The following PARP12 variants were observed in gnomAD, a reference collection of about 807,000 sequenced individuals.
PARP12 encodes poly(ADP-ribose) polymerase family member 12.
In PARP12, 59 loss-of-function variants were observed where a neutral mutation model predicts 72.4. That is an observed-to-expected ratio of 0.81 (90% CI 0.66 to 1.01). The LOEUF is 1.01. Ranked by LOEUF, PARP12 falls within the 50% of genes least tolerant of loss-of-function variation. PARP12 has a pLI of 0.00. For synonymous variants in PARP12, 403 were observed against 371.4 expected (o/e 1.09, Z -0.98); for missense variants, 851 against 914.0 (o/e 0.93, Z 0.89).
intron 2 of PARP12, chr7:140,057,479 T>G (rs926758230): frequency 7.5e-6 from 3 of 402,614 alleles, no homozygotes; most frequent in Middle Eastern, 6.6e-4. Flanking sequence ...ACAATCTACC[T>G]ATACTCTTCC....
At chr7:140,033,095 G>T (rs967256987) in intron 8 of PARP12, 6 of 736,948 alleles carry the variant, frequency 8.1e-6, no homozygotes, top group African/African-American at 1.9e-5. Context: ...TGGGACTACA[G>T]GCGCACAGGC....
At chr7:140,045,134 G>A (rs1816664145) in intron 5 of PARP12, among the ~76,000 whole-genome samples, 1 of 151,778 alleles carries the variant, frequency 6.6e-6, no homozygotes, top group Admixed American at 6.6e-5. Context: ...GGCTCAAATG[G>A]TGCTCCCTCT....
intron 5 of PARP12, 120 bp downstream of exon 5, chr7:140,046,746 GTGTGTGTGTGTCACACAC>G: frequency 1.2e-6 from 1 of 862,572 alleles, no homozygotes; most frequent in Non-Finnish European, 1.8e-6. Flanking sequence ...GTGTGTGTGT[GTGTGTGTGTGTCACACAC>G]AGAAGCCCAG....
chr7:140,047,386 T>C (rs533643154), intron 4 of PARP12, among the ~76,000 whole-genome samples: 1 of 152,248 alleles, frequency 6.6e-6, no homozygotes, highest in South Asian at 2.1e-4. Context: ...TGAGCTAGCA[T>C]GGTCAGCCCC....
intron 4 of PARP12, among the ~76,000 whole-genome samples, chr7:140,049,249 C>T (rs73734186): frequency 0.1 from 15,607 of 152,088 alleles, 1,493 homozygotes; most frequent in African/African-American, 0.26. Context: ...CAAGGAAACT[C>T]CTCTAAGTGC....
chr7:140,041,214 G>T (rs1419553833), intron 6 of PARP12, among the ~76,000 whole-genome samples: 1 of 152,134 alleles, frequency 6.6e-6, no homozygotes, highest in African/African-American at 2.4e-5. Context: ...TCTTATATTT[G>T]CCTACCTTCT....
Position 140,051,264 on chromosome 7 carries a change from T to C in PARP12, c.862+3398A>G, listed in dbSNP as rs917717052. On this transcript the variant is annotated intron_variant, in intron 4 of 11. Coordinates refer to ENST00000263549, the MANE Select transcript of PARP12 (RefSeq NM_022750.4). ...AAGCTCCATCAAGTTCAGGACACTT[T>C]TGTAAAAGACGATACCAGCCATTTA... Among the ~76,000 whole-genome samples, 3 of 152,224 alleles carry C rather than the reference T, an allele frequency of 2.0e-5. No individual in the cohort carries two copies. The South Asian group carries it at 6.2e-4, about 32-fold the overall frequency.
chr7:140,058,796 G>A (rs1817307240), intron 1 of PARP12, among the ~76,000 whole-genome samples: 1 of 152,172 alleles, frequency 6.6e-6, no homozygotes, highest in Admixed American at 6.5e-5. Flanking sequence ...ACAAGCACCA[G>A]AGAAAAACCA....
chr7:140,043,165 A>G (rs752940285), intron 5 of PARP12, among the ~76,000 whole-genome samples: 37 of 152,322 alleles, frequency 2.4e-4, no homozygotes, highest in Admixed American at 6.5e-4. Flanking sequence ...CTGCGCTCCA[A>G]CTTGGGCGAC....
chr7:140,057,761 A>T, intron 2 of PARP12, 138 bp downstream of exon 2: 1 of 1,264,496 alleles, frequency 7.9e-7, no homozygotes, highest in Non-Finnish European at 1.1e-6. Flanking sequence ...CTTCTGCTCC[A>T]CATTCCAAAT....
intron 7 of PARP12, among the ~76,000 whole-genome samples, chr7:140,035,837 A>G (rs13236082): frequency 0.087 from 6,009 of 69,022 alleles, 204 homozygotes; most frequent in African/African-American, 0.22. Context: ...CTACCAAAAG[A>G]AGGAGGAGGA....
chr7:140,050,250 C>T (rs1323468457), intron 4 of PARP12, among the ~76,000 whole-genome samples: 2 of 152,158 alleles, frequency 1.3e-5, no homozygotes, highest in African/African-American at 2.4e-5. Context: ...GGAGCAAGAA[C>T]GATACCCAGG....
intron 5 of PARP12, among the ~76,000 whole-genome samples, chr7:140,042,533 G>T (rs1404540137): frequency 6.6e-6 from 1 of 152,214 alleles, no homozygotes; most frequent in East Asian, 1.9e-4. Flanking sequence ...AGAGAGCCTG[G>T]GCTTTGGCCG....
intron 7 of PARP12, among the ~76,000 whole-genome samples, chr7:140,036,358 T>C (rs1816196717): frequency 6.6e-6 from 1 of 152,196 alleles, no homozygotes; most frequent in Non-Finnish European, 1.5e-5. Flanking sequence ...TTGATTAACG[T>C]CTATGCTCTC....
chr7:140,027,041 T>C (rs186427911), intron 10 of PARP12, among the ~76,000 whole-genome samples: 3 of 152,172 alleles, frequency 2.0e-5, no homozygotes, highest in Admixed American at 6.5e-5. Flanking sequence ...CCACCACTCA[T>C]GAACGGGACC....
chr7:140,025,364 C>T (rs538868907), intron 11 of PARP12: 4 of 301,012 alleles, frequency 1.3e-5, no homozygotes, highest in South Asian at 1.2e-4. Flanking sequence ...GTCACCTGTA[C>T]ATTTAAATCC....
chr7:140,058,973 T>C (rs1397006326), intron 1 of PARP12, among the ~76,000 whole-genome samples: 3 of 151,814 alleles, frequency 2.0e-5, no homozygotes, highest in Admixed American at 1.3e-4. Flanking sequence ...TGCATGCCTG[T>C]AATCCCAGCT....
In PARP12 at chr7:140,062,560, C is replaced by T; in HGVS notation, c.288G>A (p.Arg96=). 1 of 1,555,534 alleles carries T rather than the reference C, an allele frequency of 6.4e-7. No homozygotes were observed. The highest frequency in any genetic ancestry group is 8.7e-7 in the Non-Finnish European group (1 of 1,155,190). The change falls in exon 1 of 12, where the codon AGG becomes AGA. Residue 96 remains arginine (R), a synonymous_variant. Coordinates refer to ENST00000263549, the MANE Select transcript of PARP12 (RefSeq NM_022750.4). ...ACTTGCAGGCGCCGTAGACCATGAA[C>T]CTGCAGAGGTGGAGCTGCGCGCAGA... The part of the protein sequence containing the change: ...VGLCAQLHLC[R]FMVYGACKFL...
At chr7:140,025,001 G>A (rs749251402) in intron 11 of PARP12, 116 bp from the exon 12 acceptor site, 17 of 879,644 alleles carry the variant, frequency 1.9e-5, no homozygotes, top group Non-Finnish European at 2.6e-5. Context: ...CTTCCACCCC[G>A]CATCTCCCTC....
Sources: allele counts gnomAD v4.1 joint callset (sites outside exome capture counted in the v4.1 genomes callset), GRCh38; gene constraint gnomAD v4.1.1; transcripts MANE v1.5; gene names NCBI Gene and HGNC (gene_info 2026-07-23, HGNC 2026-07-21).